Variants in MED25 observed in about 807,000 individuals in gnomAD.
MED25 encodes mediator of RNA polymerase II transcription subunit 25.
In MED25, 62 loss-of-function variants were observed where a neutral mutation model predicts 89.4. The observed-to-expected ratio is 0.69, with a 90% CI of 0.57 to 0.86. The LOEUF (loss-of-function observed/expected upper bound fraction) is 0.86. MED25 is among the 40% of genes least tolerant of loss of function. The pLI is 0.00. For synonymous variants in MED25, 449 were observed against 427.9 expected (o/e 1.05, Z -0.61); for missense variants, 905 against 1,005.2 (o/e 0.90, Z 1.35).
chr19:49,819,097 G>A lies in MED25; in HGVS notation c.181-75G>A. 1.1e-5 allele frequency: 18 copies of A among 1,572,672 alleles called. No individual in the cohort carries two copies. In the South Asian group the frequency reaches 2.0e-4, roughly 18 times the overall value. ...CTGGTTCTGGAGGAACGGGAAGCTG[G>A]GAGCCCTGATTCCTTCTCTAAGGGA... On this transcript the variant is annotated intron_variant, in intron 2 of 17. Coordinates refer to ENST00000312865, the MANE Select transcript of MED25 (RefSeq NM_030973.4).
intron 3 of MED25, among the ~76,000 whole-genome samples, chr19:49,826,492 T>C (rs968842555): frequency 1.3e-5 from 2 of 152,118 alleles, no homozygotes; most frequent in Non-Finnish European, 2.9e-5. Context: ...AGGAAATCAG[T>C]GCGAGAACTC....
Position 49,831,242 on chromosome 19 carries a change from T to G in MED25, c.1102-91T>G. 2.2e-6 allele frequency: 3 copies of G among 1,381,604 alleles called. No homozygotes were observed. Among genetic ancestry groups the G allele is most frequent in the Non-Finnish European group, 3.0e-6 (3 of 1,009,100 alleles). The allele number at this position is 1,381,604 out of a possible 1,614,324, so 85.6% of individuals were successfully genotyped here. A position where few individuals can be genotyped will look rare whatever the true frequency, so the allele number is the denominator to read the frequency against. On this transcript the variant is annotated intron_variant, in intron 9 of 17. Coordinates refer to ENST00000312865, the MANE Select transcript of MED25 (RefSeq NM_030973.4). The surrounding 1 kb of genome is among the most constrained non-coding windows in gnomAD (Gnocchi z 5.0). The stretch of plus-strand genomic sequence containing the variant: ...GGATGGAGGGGCAGAAGAAGGGATC[T>G]TTCCTCCTTCCTGGTTTGCCCTCAC...
At position 49,830,325 on chromosome 19, in the gene MED25, C is replaced by T. The variant is rs2074045953; in HGVS notation, c.819+107C>T. ...GGAGCTTGTGGGATGATGGGAGTCC[C>T]ATGGGACATTGGGAAGGTGGGACTC... On this transcript the variant is annotated intron_variant, in intron 7 of 17. Coordinates refer to ENST00000312865, the MANE Select transcript of MED25 (RefSeq NM_030973.4). This position sits in a 1 kb window ranked among gnomAD's most constrained non-coding sequence, Gnocchi z 4.6. 1 of 1,278,694 alleles carries T rather than the reference C, an allele frequency of 7.8e-7. No individual in the cohort carries two copies. The highest frequency in any genetic ancestry group is 1.5e-5 in the African/African-American group (1 of 68,268). The allele number at this position is 1,278,694 out of a possible 1,614,324, so 79.2% of individuals were successfully genotyped here. A position where few individuals can be genotyped will look rare whatever the true frequency, so the allele number is the denominator to read the frequency against.
Position 49,836,648 on chromosome 19 carries a change from T to C in MED25, c.2147-199T>C, listed in dbSNP as rs1467354009. 5.4e-6 allele frequency: 4 copies of C among 740,164 alleles called. No homozygotes were observed. The highest frequency in any genetic ancestry group is 3.0e-5 in the South Asian group (2 of 67,298). 45.8% of individuals were successfully genotyped at this position (740,164 alleles called of 1,614,324 possible). A position where few individuals can be genotyped will look rare whatever the true frequency, so the allele number is the denominator to read the frequency against. ...GTGTGCTCCTGGGATTGCTGGGAAA[T>C]GTGGTCTTAGGGCCAGAGAAGTAGT... On this transcript the variant is annotated intron_variant, in intron 17 of 17. Transcript: ENST00000312865. The surrounding 1 kb of genome is among the most constrained non-coding windows in gnomAD (Gnocchi z 5.1).
chr19:49,825,124 T>C (rs1312773612), intron 3 of MED25, among the ~76,000 whole-genome samples: 1 of 152,226 alleles, frequency 6.6e-6, no homozygotes, highest in Non-Finnish European at 1.5e-5. Flanking sequence ...TTTGACAAAA[T>C]GTTTATTACA....
chr19:49,827,898 A>G (rs1000744399), intron 3 of MED25, among the ~76,000 whole-genome samples: 2 of 152,092 alleles, frequency 1.3e-5, no homozygotes, highest in Non-Finnish European at 1.5e-5. Context: ...TGGGGTCCCC[A>G]GCCCTTTCCC....
chr19:49,818,470 C>T lies in MED25; in HGVS notation c.129C>T (p.Ala43=), dbSNP rs771862767. The T allele has an allele frequency of 5.6e-6, 9 of 1,614,096 alleles. No individual in the cohort carries two copies. The highest frequency in any genetic ancestry group is 2.2e-5 in the East Asian group (1 of 44,896). The part of the protein sequence containing the change: ...EGLRKHYLLP[A]IEYFNGGPPA... ...TCCGCAAGCACTACCTGCTCCCGGC[C>T]ATCGAGTGAGTGCTGTTTCCGCGAC... The change falls in exon 1 of 18, where the codon GCC becomes GCT. Residue 43 remains alanine, a synonymous_variant. Transcript: ENST00000312865.
intron 3 of MED25, among the ~76,000 whole-genome samples, chr19:49,823,466 A>C (rs1253434314): frequency 2.0e-5 from 3 of 152,138 alleles, no homozygotes; most frequent in Non-Finnish European, 4.4e-5. Flanking sequence ...AGTGCCGTGT[A>C]AGTGTTTCCT....
intron 4 of MED25, 104 bp downstream of exon 4, chr19:49,828,651 G>C: frequency 9.6e-7 from 1 of 1,039,344 alleles, no homozygotes. Flanking sequence ...TGTAGGGCAT[G>C]GGCTCTGTGT....
intron 3 of MED25, among the ~76,000 whole-genome samples, chr19:49,822,281 A>C (rs1419715629): frequency 1.4e-5 from 2 of 141,450 alleles, no homozygotes; most frequent in East Asian, 2.1e-4. Context: ...AAAAAAAAAA[A>C]AAACCATACA....
In MED25 at chr19:49,830,946, A is replaced by C; in HGVS notation, c.1101+59A>C. 1 of 1,527,928 alleles carries C rather than the reference A, an allele frequency of 6.5e-7. No homozygotes were observed. The highest frequency in any genetic ancestry group is 9.0e-7 in the Non-Finnish European group (1 of 1,117,184). 94.6% of individuals were successfully genotyped at this position (1,527,928 alleles called of 1,614,324 possible). On this transcript the variant is annotated intron_variant, in intron 9 of 17. Coordinates refer to ENST00000312865, the MANE Select transcript of MED25 (RefSeq NM_030973.4). The surrounding 1 kb of genome is among the most constrained non-coding windows in gnomAD (Gnocchi z 4.6). The stretch of plus-strand genomic sequence containing the variant: ...TCCTCCTGCTGTCCACAGCTAGGAC[A>C]GTTAGAGGATGAGTCATTTGCCTTC...
chr19:49,825,868 A>G (rs773605292), intron 3 of MED25, among the ~76,000 whole-genome samples: 3 of 151,858 alleles, frequency 2.0e-5, no homozygotes, highest in Non-Finnish European at 4.4e-5. Context: ...AGGACACCCC[A>G]TATGCATGAA....
At position 49,818,302 on chromosome 19, in the gene MED25, G is replaced by T. The variant is rs1238291008; in HGVS notation, c.-40G>T. ...GCATTTCTGCTCATTCCGCGGCGTC[G>T]GCTGCGGCTGCAGTGGTGGTGGCGG... On this transcript the variant is annotated 5_prime_UTR_variant, in exon 1 of 18. Coordinates refer to ENST00000312865, the MANE Select transcript of MED25 (RefSeq NM_030973.4). The T allele has an allele frequency of 1.9e-5, 29 of 1,555,888 alleles. No homozygotes were observed. Among genetic ancestry groups the T allele is most frequent in the Non-Finnish European group, 2.4e-5 (28 of 1,149,560 alleles).
intron 3 of MED25, among the ~76,000 whole-genome samples, chr19:49,827,245 C>T (rs112922136): frequency 7.6e-4 from 115 of 152,268 alleles, no homozygotes; most frequent in Admixed American, 1.1e-3. Flanking sequence ...AGGCCATCCC[C>T]GGGCCACAAC....
intron 13 of MED25, 52 bp downstream of exon 13, chr19:49,832,467 T>C: frequency 1.8e-6 from 2 of 1,104,378 alleles, no homozygotes; most frequent in Non-Finnish European, 2.7e-6. Flanking sequence ...TCCTGCTTTC[T>C]GCTGACCTTT....
Position 49,831,363 on chromosome 19 carries a change from G to A in MED25, c.1132G>A (p.Gly378Ser), listed in dbSNP as rs138166258. 288 of 1,611,086 alleles carry A rather than the reference G, an allele frequency of 1.8e-4. No homozygotes were observed. Among genetic ancestry groups the A allele is most frequent in the African/African-American group, 7.6e-4 (57 of 74,980 alleles). Residue 378 changes from glycine to serine, a missense_variant, in exon 10 of 18, where the codon GGC becomes AGC. Physicochemically the swap from Gly to Ser is moderately conservative, Grantham distance 56. Around this residue, in one of 3 missense-constraint regions of MED25, gnomAD observed 501 missense variants for 526.9 expected, o/e 0.95. Transcript: ENST00000312865. This position sits in a 1 kb window ranked among gnomAD's most constrained non-coding sequence, Gnocchi z 5.0. The part of the protein sequence containing the change: ...AGTVAPGGVS[G>S]PSPAQLGAPA... ...CACTGTGGCCCCAGGAGGGGTGAGC[G>A]GCCCTTCCCCAGCCCAGCTGGGAGC...
intron 3 of MED25, chr19:49,819,586 G>T (rs1180699955): frequency 2.4e-6 from 1 of 413,984 alleles, no homozygotes; most frequent in Non-Finnish European, 4.5e-6. Flanking sequence ...AGTCACTTTT[G>T]TGGTGGCTTC....
intron 3 of MED25, among the ~76,000 whole-genome samples, chr19:49,820,895 C>T (rs536469575): frequency 6.6e-6 from 1 of 152,308 alleles, no homozygotes; most frequent in Admixed American, 6.5e-5. Flanking sequence ...CCCTCTGTGC[C>T]TAGTATCTCA....
In MED25 at chr19:49,835,238, C is replaced by T. The variant is rs1189387740; in HGVS notation, c.1674+61C>T. 3 of 1,565,372 alleles carry T rather than the reference C, an allele frequency of 1.9e-6. No individual in the cohort carries two copies. The highest frequency in any genetic ancestry group is 2.2e-5 in the East Asian group (1 of 44,644). ...CCCCTCCTGCCCGGGCCCCACATGG[C>T]CCCCTGGGGTCTCCAGGACCAAGAT... On this transcript the variant is annotated intron_variant, in intron 14 of 17. Transcript: ENST00000312865. The surrounding 1 kb of genome is among the most constrained non-coding windows in gnomAD (Gnocchi z 6.2).
Sources: allele counts gnomAD v4.1 joint callset (sites outside exome capture counted in the v4.1 genomes callset), GRCh38; gene constraint gnomAD v4.1.1; regional missense constraint gnomAD v4.1.1; non-coding constraint Gnocchi (gnomAD v3.1); transcripts MANE v1.5; gene names NCBI Gene and HGNC (gene_info 2026-07-23, HGNC 2026-07-21).